Variants in ZNF142 observed in about 807,000 individuals in gnomAD.
ZNF142 encodes zinc finger protein 142 (clone pHZ-49).
ZNF142 carries 96 observed loss-of-function variants against 132.1 expected under a neutral mutation model. That is an observed-to-expected ratio of 0.73 (90% CI 0.62 to 0.86). The LOEUF is 0.86. ZNF142 is among the 40% of genes least tolerant of loss of function. The pLI is 0.00. For synonymous variants in ZNF142, 842 were observed against 890.1 expected, an observed-to-expected ratio of 0.95 and a Z score of 0.96; for missense variants, 2,163 against 2,336.2, an observed-to-expected ratio of 0.93 and a Z score of 1.53.
At position 218,643,763 on chromosome 2, in the gene ZNF142, G is replaced by C. The variant is rs1697475059; in HGVS notation, c.3353C>G (p.Ser1118Ter). Residue 1118 changes from serine to a stop codon, truncating the protein, a stop_gained, in exon 9 of 11, where the codon TCA (serine) becomes TGA (stop). Coordinates refer to ENST00000411696, the MANE Select transcript of ZNF142 (RefSeq NM_001379659.1). LOFTEE classifies it high-confidence loss of function. ...LQPVLPGTQA[S>*]EDTESGKPPP... Reference sequence around the variant, plus strand: ...GGGCTTCCCACTTTCTGTGTCCTCTGAGGCCTGGGTACCTGGGAGCACAGG... The same window carrying C: ...GGGCTTCCCACTTTCTGTGTCCTCTCAGGCCTGGGTACCTGGGAGCACAGG... 1 of 1,611,240 alleles carries C rather than the reference G, an allele frequency of 6.2e-7. No individual in the cohort carries two copies. The highest frequency in any genetic ancestry group is 1.3e-5 in the African/African-American group (1 of 74,788).
Position 218,644,020 on chromosome 2 carries a change from C to G in ZNF142, c.3096G>C (p.Glu1032Asp). The G allele has an allele frequency of 1.2e-6, 2 of 1,614,106 alleles. No individual in the cohort carries two copies. Among genetic ancestry groups the G allele is most frequent in the Non-Finnish European group, 1.7e-6 (2 of 1,180,002 alleles). ...AGTGTGGGCAGCGGAAGGCTCGCCC[C>G]TCTCCCTGGATCACTACCATCTGCA... ...GRVQMVVIQG[E>D]GRAFRCPHCP... Residue 1032 changes from glutamate to aspartate, a missense_variant, in exon 9 of 11, where the codon GAG becomes GAC. Glu to Asp is a conservative substitution (Grantham distance 45). Around this residue, in one of 7 missense-constraint regions of ZNF142, gnomAD observed 809 missense variants for 801.7 expected, o/e 1.01. Coordinates refer to ENST00000411696, the MANE Select transcript of ZNF142 (RefSeq NM_001379659.1). The surrounding 1 kb of genome is among the most constrained non-coding windows in gnomAD (Gnocchi z 4.6).
intron 3 of ZNF142, among the ~76,000 whole-genome samples, chr2:218,657,001 A>G (rs1316754169): frequency 6.6e-6 from 1 of 152,080 alleles, no homozygotes; most frequent in Non-Finnish European, 1.5e-5. Context: ...TATTTTTAAC[A>G]GCGATGGAGT....
chr2:218,647,479 G>A lies in ZNF142; in HGVS notation c.1874-1131C>T, dbSNP rs954768170. On this transcript the variant is annotated intron_variant, in intron 7 of 10. Coordinates refer to ENST00000411696, the MANE Select transcript of ZNF142 (RefSeq NM_001379659.1). The stretch of plus-strand genomic sequence containing the variant: ...TTCAGAACATCCTTAAGAGGCAGGT[G>A]CTATTATCACCCTCATTTTACAGAT... 2.8e-5 allele frequency among the ~76,000 whole-genome samples: 4 copies of A among 141,514 alleles called. No individual in the cohort carries two copies. In the Admixed American group the frequency reaches 3.0e-4, roughly 11 times the overall value. The allele number at this position is 141,514 out of a possible 152,430, so 92.8% of individuals were successfully genotyped here.
In ZNF142 at chr2:218,650,441, A is replaced by G. The variant is rs750482472; in HGVS notation, c.966T>C (p.Asn322=). Residue 322 remains asparagine (N), a synonymous_variant, in exon 6 of 11, where the codon AAT becomes AAC. Coordinates refer to ENST00000411696, the MANE Select transcript of ZNF142 (RefSeq NM_001379659.1). ...LPGQETAEEE[N]VEKEEKSDTQ... ...TGTCACTCTTCTCTTCTTTCTCTACATTCTCCTCTTCAGCTGTCTCCTGCC... is the reference window on the plus strand; with the variant it reads ...TGTCACTCTTCTCTTCTTTCTCTACGTTCTCCTCTTCAGCTGTCTCCTGCC... The G allele has an allele frequency of 6.2e-7, 1 of 1,613,968 alleles. No individual in the cohort carries two copies. The highest frequency in any genetic ancestry group is 1.1e-5 in the South Asian group (1 of 91,080).
rs1275655035 is a variant in ZNF142 at position 218,650,320 on chromosome 2, C to T, written c.1048+39G>A. 3.1e-6 allele frequency: 5 copies of T among 1,613,056 alleles called. No individual in the cohort carries two copies. In the East Asian group the frequency reaches 1.1e-4, roughly 36 times the overall value. ...GGCAGGGTTTCAACAATCCATTCTTCCCCACCACCAAGGGCTTCAAGCCTC... is the reference window on the plus strand; with the variant it reads ...GGCAGGGTTTCAACAATCCATTCTTTCCCACCACCAAGGGCTTCAAGCCTC... On this transcript the variant is annotated intron_variant, in intron 6 of 10. Coordinates refer to ENST00000411696, the MANE Select transcript of ZNF142 (RefSeq NM_001379659.1).
rs1236028439 is a variant in ZNF142, at chr2:218,643,544, G to A, written c.3572C>T (p.Ser1191Leu). 6 of 1,608,612 alleles carry A rather than the reference G, an allele frequency of 3.7e-6. No individual in the cohort carries two copies. Among genetic ancestry groups the A allele is most frequent in the Non-Finnish European group, 5.1e-6 (6 of 1,176,758 alleles). Residue 1191 changes from serine to leucine, a missense_variant, in exon 9 of 11, where the codon TCA (serine) becomes TTA (leucine). This residue lies in a region of ZNF142 where 809 missense variants were observed against 801.7 expected (regional missense o/e 1.01). Coordinates refer to ENST00000411696, the MANE Select transcript of ZNF142 (RefSeq NM_001379659.1). ...GTGCTTCTTAGGGGCCTCCGTGGGT[G>A]AGGAGTTTCCTGCAGGAGGGACTGG... Reference protein sequence around the residue: ...FDPVPPAGNSSPTEAPKKHHL... With the variant: ...FDPVPPAGNSLPTEAPKKHHL...
chr2:218,642,729 C>T lies in ZNF142; in HGVS notation c.4387G>A (p.Asp1463Asn), dbSNP rs755179850. ...KTPTHFCPLC[D>N]YSGYLRHDIT... Reference sequence around the variant, plus strand: ...TCATGGCGAAGGTAGCCACTATAGTCACAAAGTGGACAGAAGTGGGTAGGT... The same window carrying T: ...TCATGGCGAAGGTAGCCACTATAGTTACAAAGTGGACAGAAGTGGGTAGGT... The change falls in exon 9 of 11, where the codon GAC (aspartate) becomes AAC (asparagine). Residue 1463 changes from aspartate (D) to asparagine (N), a missense_variant. By Grantham distance (23) the Asp-to-Asn change is conservative. This residue lies in a region of ZNF142 where 809 missense variants were observed against 801.7 expected (regional missense o/e 1.01). Transcript: ENST00000411696. This position sits in a 1 kb window ranked among gnomAD's most constrained non-coding sequence, Gnocchi z 4.6. 1 of 1,614,190 alleles carries T rather than the reference C, an allele frequency of 6.2e-7. No homozygotes were observed. The highest frequency in any genetic ancestry group is 1.3e-5 in the African/African-American group (1 of 75,066).
At chr2:218,657,807 C>G (rs1421075427) in intron 3 of ZNF142, among the ~76,000 whole-genome samples, 1 of 152,236 alleles carries the variant, frequency 6.6e-6, no homozygotes, top group Non-Finnish European at 1.5e-5. Flanking sequence ...GAAACGAGGT[C>G]ACACTGCACT....
Position 218,638,345 on chromosome 2 carries a change from C to A in ZNF142, c.5658G>T (p.Glu1886Asp), listed in dbSNP as rs770357064. 2.6e-6 allele frequency: 4 copies of A among 1,515,190 alleles called. No individual in the cohort carries two copies. Among genetic ancestry groups the A allele is most frequent in the Non-Finnish European group, 3.5e-6 (4 of 1,131,908 alleles). The allele number at this position is 1,515,190 out of a possible 1,614,324, so 93.9% of individuals were successfully genotyped here. ...PAPAAPHTGPEG is the reference protein window; with the variant it reads ...PAPAAPHTGPDG ...CAGGAGGTGGGGCAGGCTTTCAGCCCTCAGGTCCAGTGTGGGGAGCGGCAG... is the reference window on the plus strand; with the variant it reads ...CAGGAGGTGGGGCAGGCTTTCAGCCATCAGGTCCAGTGTGGGGAGCGGCAG... Residue 1886 changes from glutamate (E) to aspartate (D), a missense_variant, in exon 11 of 11, where the codon GAG (glutamate) becomes GAT (aspartate). Physicochemically the swap from Glu to Asp is conservative, Grantham distance 45. Coordinates refer to ENST00000411696, the MANE Select transcript of ZNF142 (RefSeq NM_001379659.1).
In ZNF142 at chr2:218,638,801, C is replaced by T. The variant is rs991385545; in HGVS notation, c.5202G>A (p.Lys1734=). The T allele has an allele frequency of 1.3e-6, 2 of 1,596,972 alleles. No homozygotes were observed. Among genetic ancestry groups the T allele is most frequent in the African/African-American group, 1.3e-5 (1 of 74,806 alleles). Residue 1734 remains lysine, a synonymous_variant, in exon 11 of 11, where the codon AAG becomes AAA. Coordinates refer to ENST00000411696, the MANE Select transcript of ZNF142 (RefSeq NM_001379659.1). ...ACTCACACTCGGGACACTGGTATGG[C>T]TTCAGTCCTACAGGACAGGGAACAA... is the stretch of plus-strand genomic sequence containing the variant. ...KYHMTKHTGL[K]PYQCPECEYC...
In ZNF142 at chr2:218,634,639, G is replaced by A. The variant is rs373654448; in HGVS notation, c.*3700C>T. On this transcript the variant is annotated 3_prime_UTR_variant, in exon 11 of 11. Coordinates refer to ENST00000411696, the MANE Select transcript of ZNF142 (RefSeq NM_001379659.1). The surrounding 1 kb of genome is among the most constrained non-coding windows in gnomAD (Gnocchi z 4.0). Reference sequence around the variant, plus strand: ...AGACTCTCTTAATCCAGGTACAGTGGAAATAAACTGTTGGGAAGAAACTGA... The same window carrying A: ...AGACTCTCTTAATCCAGGTACAGTGAAAATAAACTGTTGGGAAGAAACTGA... 1.1e-4 allele frequency: 172 copies of A among 1,611,846 alleles called. No homozygotes were observed. The highest frequency in any genetic ancestry group is 1.4e-4 in the Non-Finnish European group (164 of 1,178,996).
At chr2:218,653,865 G>A (rs993169785) in intron 4 of ZNF142, among the ~76,000 whole-genome samples, 3 of 152,018 alleles carry the variant, frequency 2.0e-5, no homozygotes, top group African/African-American at 7.3e-5. Flanking sequence ...GCTGGTGGTG[G>A]GGGAAACAAG....
chr2:218,634,693 G>A lies in ZNF142; in HGVS notation c.*3646C>T. On this transcript the variant is annotated 3_prime_UTR_variant, in exon 11 of 11. Transcript: ENST00000411696. This position sits in a 1 kb window ranked among gnomAD's most constrained non-coding sequence, Gnocchi z 4.0. ...AACTGGGATAGAAGTGAGGGAAGAG[G>A]TGGCTAGGCCTGACCGGAATGTAGA... 6.4e-7 allele frequency: 1 copy of A among 1,572,672 alleles called. No homozygotes were observed. The highest frequency in any genetic ancestry group is 8.7e-7 in the Non-Finnish European group (1 of 1,151,312).
rs556643601 is a variant in ZNF142 at position 218,638,482 on chromosome 2, G to A, written c.5521C>T (p.Arg1841Cys). Reference sequence around the variant, plus strand: ...TCGGCTTGGTCAGGGTGGTGCCTGCGTACGTGCTTGACCACCTGGAACTTT... The same window carrying A: ...TCGGCTTGGTCAGGGTGGTGCCTGCATACGTGCTTGACCACCTGGAACTTT... ...KQKFQVVKHVRRHHPDQADPN... is the reference protein window; with the variant it reads ...KQKFQVVKHVCRHHPDQADPN... The change falls in exon 11 of 11, where the codon CGC (arginine) becomes TGC (cysteine). Residue 1841 changes from arginine (R) to cysteine (C), a missense_variant. By Grantham distance (180) the Arg-to-Cys change is radical (BLOSUM62 -3). This residue lies in a region of ZNF142 where 325 missense variants were observed against 367.8 expected (regional missense o/e 0.88). Coordinates refer to ENST00000411696, the MANE Select transcript of ZNF142 (RefSeq NM_001379659.1). 11 of 1,600,862 alleles carry A rather than the reference G, an allele frequency of 6.9e-6. No homozygotes were observed. Among genetic ancestry groups the A allele is most frequent in the Admixed American group, 3.4e-5 (2 of 59,400 alleles).
chr2:218,644,759 G>A lies in ZNF142; in HGVS notation c.2357C>T (p.Thr786Ile), dbSNP rs1697586030. ...ALCDYRTFSNTTLLFHKRKAH... is the reference protein window; with the variant it reads ...ALCDYRTFSNITLLFHKRKAH... ...CTTGCGTTTATGGAACAAGAGTGTG[G>A]TGTTGCTGAAGGTGCGGTAGTCACA... is the stretch of plus-strand genomic sequence containing the variant. Residue 786 changes from threonine (T) to isoleucine (I), a missense_variant, in exon 9 of 11, where the codon ACC (threonine) becomes ATC (isoleucine). Transcript: ENST00000411696. The surrounding 1 kb of genome is among the most constrained non-coding windows in gnomAD (Gnocchi z 4.6). 1.9e-6 allele frequency: 3 copies of A among 1,614,138 alleles called. No homozygotes were observed. The highest frequency in any genetic ancestry group is 3.3e-5 in the Admixed American group (2 of 60,012).
intron 4 of ZNF142, among the ~76,000 whole-genome samples, chr2:218,654,566 A>C (rs907281510): frequency 6.6e-6 from 1 of 151,916 alleles, no homozygotes. Context: ...GGGTTTCACC[A>C]TCTTGCCCAG....
chr2:218,638,340 C>T lies in ZNF142; in HGVS notation c.5663G>A (p.Ter1888=), dbSNP rs761137416. The T allele has an allele frequency of 7.8e-5, 118 of 1,512,006 alleles. No individual in the cohort carries two copies. Among genetic ancestry groups the T allele is most frequent in the Non-Finnish European group, 1.0e-4 (113 of 1,130,602 alleles). The allele number at this position is 1,512,006 out of a possible 1,614,324, so 93.7% of individuals were successfully genotyped here. A position where few individuals can be genotyped will look rare whatever the true frequency, so the allele number is the denominator to read the frequency against. ...PAAPHTGPEG[*] is the part of the protein sequence containing the mutation. ...CTATACAGGAGGTGGGGCAGGCTTT[C>T]AGCCCTCAGGTCCAGTGTGGGGAGC... The change falls in exon 11 of 11, where the codon TGA becomes TAA. Residue 1888 remains the stop codon, a stop_retained_variant. Coordinates refer to ENST00000411696, the MANE Select transcript of ZNF142 (RefSeq NM_001379659.1).
chr2:218,644,723 T>G lies in ZNF142; in HGVS notation c.2393A>C (p.Tyr798Ser). ...CTGCCAGGCCTGGTCTCCAGGTACA[T>G]AGCCATGGGCCTTGCGTTTATGGAA... ...LLFHKRKAHGYVPGDQAWQLR... is the reference protein window; with the variant it reads ...LLFHKRKAHGSVPGDQAWQLR... The change falls in exon 9 of 11, where the codon TAT becomes TCT. Residue 798 changes from tyrosine to serine, a missense_variant. Tyr to Ser is a moderately radical substitution (Grantham distance 144, BLOSUM62 -2). Coordinates refer to ENST00000411696, the MANE Select transcript of ZNF142 (RefSeq NM_001379659.1). The surrounding 1 kb of genome is among the most constrained non-coding windows in gnomAD (Gnocchi z 4.6). 6.2e-7 allele frequency: 1 copy of G among 1,614,214 alleles called. No homozygotes were observed. The highest frequency in any genetic ancestry group is 8.5e-7 in the Non-Finnish European group (1 of 1,180,020).
chr2:218,633,626 C>A lies in ZNF142; in HGVS notation c.*4713G>T. The A allele has an allele frequency of 6.2e-7, 1 of 1,613,684 alleles. No individual in the cohort carries two copies. The highest frequency in any genetic ancestry group is 8.5e-7 in the Non-Finnish European group (1 of 1,179,600). Reference sequence around the variant, plus strand: ...CCAGAAATCCAAGCCCATCTTGTGTCCAGCCCTCTCTTCCCTGGTTATCTA... The same window carrying A: ...CCAGAAATCCAAGCCCATCTTGTGTACAGCCCTCTCTTCCCTGGTTATCTA... On this transcript the variant is annotated 3_prime_UTR_variant, in exon 11 of 11. Coordinates refer to ENST00000411696, the MANE Select transcript of ZNF142 (RefSeq NM_001379659.1).
Sources: allele counts gnomAD v4.1 joint callset (sites outside exome capture counted in the v4.1 genomes callset), GRCh38; gene constraint gnomAD v4.1.1; regional missense constraint gnomAD v4.1.1; non-coding constraint Gnocchi (gnomAD v3.1); transcripts MANE v1.5; gene names NCBI Gene and HGNC (gene_info 2026-07-23, HGNC 2026-07-21).